CFAP74: variants seen among roughly 807,000 people sequenced by gnomAD.
CFAP74 encodes the protein cilia and flagella associated protein 74.
In CFAP74, 124 loss-of-function variants were observed where a neutral mutation model predicts 188.9. That is an observed-to-expected ratio of 0.66 (90% CI 0.57 to 0.76). CFAP74 has a LOEUF of 0.76. Among genes scored for constraint, CFAP74 ranks in the 30% least tolerant of loss-of-function variants. The probability of loss-of-function intolerance (pLI) is 0.00; values close to 1 mark genes in which losing one functional copy is unlikely to be tolerated. For missense variants in CFAP74, 2,198 were observed against 2,165.2 expected (o/e 1.02, Z -0.30); for synonymous variants, 956 against 916.7 (o/e 1.04, Z -0.77).
chr1:1,960,919 G>A (rs772508898), intron 14 of CFAP74, among the ~76,000 whole-genome samples: 6 of 152,182 alleles, frequency 3.9e-5, no homozygotes, highest in Admixed American at 6.5e-5. Context: ...GTTAGAGGAC[G>A]TATAGATAAA....
In CFAP74 at chr1:1,970,711, A is replaced by G; in HGVS notation, c.994T>C (p.Phe332Leu). 6.2e-7 allele frequency: 1 copy of G among 1,613,978 alleles called. No homozygotes were observed. Reference sequence around the variant, plus strand: ...CGGCGCTGGTGGACAAGGTGCCTGAATGCATCCCTGCCCTGGGCCAGAATC... The same window carrying G: ...CGGCGCTGGTGGACAAGGTGCCTGAGTGCATCCCTGCCCTGGGCCAGAATC... The part of the protein sequence containing the change: ...KAILAQGRDA[F>L]RHLVHQRRRQ... The change falls in exon 10 of 39, where the codon TTC (phenylalanine) becomes CTC (leucine). Residue 332 changes from phenylalanine to leucine, a missense_variant. Coordinates refer to ENST00000682832, the MANE Select transcript of CFAP74 (RefSeq NM_001304360.2).
intron 1 of CFAP74, among the ~76,000 whole-genome samples, chr1:2,000,906 C>T (rs574902913): frequency 1.9e-4 from 29 of 152,280 alleles, no homozygotes; most frequent in African/African-American, 5.8e-4. Context: ...CGCACAACCC[C>T]GAGGAGAAAA....
At chr1:2,002,143 C>T (rs1207306917) in intron 1 of CFAP74, among the ~76,000 whole-genome samples, 1 of 152,118 alleles carries the variant, frequency 6.6e-6, no homozygotes, top group Non-Finnish European at 1.5e-5. Flanking sequence ...GGAAAATACA[C>T]TCTACAAGGG....
intron 24 of CFAP74, 79 bp downstream of exon 24, chr1:1,939,514 TG>T: frequency 7.2e-7 from 1 of 1,379,598 alleles, no homozygotes; most frequent in Non-Finnish European, 9.8e-7. Flanking sequence ...TGGGGGACCC[TG>T]GAGCAGTGGC....
rs776335986 is a variant in CFAP74, at chr1:1,942,050, C to T, written c.2593G>A (p.Val865Met). 2.2e-5 allele frequency: 34 copies of T among 1,523,670 alleles called. No individual in the cohort carries two copies. The highest frequency in any genetic ancestry group is 1.8e-4 in the South Asian group (15 of 82,278). 94.4% of individuals were successfully genotyped at this position (1,523,670 alleles called of 1,614,324 possible). ...GYIQAQSSYSVQLKFLPRHSL... is the reference protein window; with the variant it reads ...GYIQAQSSYSMQLKFLPRHSL... Reference sequence around the variant, plus strand: ...TACCGCGGCAGGAACTTGAGCTGCACGGAGTAGGACGACTGTGCCTGGATA... The same window carrying T: ...TACCGCGGCAGGAACTTGAGCTGCATGGAGTAGGACGACTGTGCCTGGATA... Residue 865 changes from valine (V) to methionine (M), a missense_variant, in exon 22 of 39, where the codon GTG becomes ATG. Physicochemically the swap from Val to Met is conservative, Grantham distance 21. Coordinates refer to ENST00000682832, the MANE Select transcript of CFAP74 (RefSeq NM_001304360.2). The surrounding 1 kb of genome is among the most constrained non-coding windows in gnomAD (Gnocchi z 4.3).
chr1:1,945,170 G>A (rs1558010308), intron 20 of CFAP74, among the ~76,000 whole-genome samples: 1 of 152,070 alleles, frequency 6.6e-6, no homozygotes, highest in Admixed American at 6.5e-5. Context: ...AGCCAGGCAT[G>A]GTGGTGTGTG....
At chr1:1,945,899 T>C (rs1366688080) in intron 20 of CFAP74, among the ~76,000 whole-genome samples, 2 of 143,242 alleles carry the variant, frequency 1.4e-5, no homozygotes, top group African/African-American at 2.6e-5. Flanking sequence ...CGTGTGTGCA[T>C]GTGTGTGCAT....
chr1:1,969,055 AGCTAAAC>A (rs979426871), intron 10 of CFAP74, among the ~76,000 whole-genome samples: 1 of 152,060 alleles, frequency 6.6e-6, no homozygotes, highest in Admixed American at 6.5e-5. Context: ...CTGGTCCTGG[AGCTAAAC>A]GCAAGCTCCA....
chr1:1,970,622 G>A lies in CFAP74; in HGVS notation c.1046+37C>T, dbSNP rs375751278. 208 of 1,574,152 alleles carry A rather than the reference G, an allele frequency of 1.3e-4. 1 individual carries two copies. The highest frequency in any genetic ancestry group is 9.3e-4 in the Middle Eastern group (5 of 5,358). On this transcript the variant is annotated intron_variant, in intron 10 of 38. Transcript: ENST00000682832. ...CTCTCCCTGCACCCACTGACTGGGC[G>A]GGTGCCTCCCGGTGGCACCTCTGCC...
intron 1 of CFAP74, among the ~76,000 whole-genome samples, chr1:1,993,915 G>A (rs1224725077): frequency 1.3e-5 from 2 of 150,942 alleles, no homozygotes; most frequent in East Asian, 1.9e-4. Context: ...CCGGGAGGCG[G>A]AGCTTGCAGT....
chr1:1,924,401 C>G lies in CFAP74; in HGVS notation c.4224G>C (p.Thr1408=). The G allele has an allele frequency of 8.2e-7, 1 of 1,225,450 alleles. No individual in the cohort carries two copies. Among genetic ancestry groups the G allele is most frequent in the South Asian group, 1.3e-5 (1 of 77,912 alleles). 75.9% of individuals were successfully genotyped at this position (1,225,450 alleles called of 1,614,324 possible). The part of the protein sequence containing the change: ...PQFLSSPSQR[T]EVVGTQNLNG... ...CCACCCCCCGCTCACCGACCACCTC[C>G]GTCCTCTGGGAGGGCGAGCTGAGGA... Residue 1408 remains threonine (T), a synonymous_variant, in exon 34 of 39, where the codon ACG becomes ACC. Coordinates refer to ENST00000682832, the MANE Select transcript of CFAP74 (RefSeq NM_001304360.2).
chr1:1,926,682 T>G lies in CFAP74; in HGVS notation c.3742A>C (p.Thr1248Pro), dbSNP rs1310412988. 1 of 1,550,108 alleles carries G rather than the reference T, an allele frequency of 6.5e-7. No individual in the cohort carries two copies. The change falls in exon 30 of 39, where the codon ACC (threonine) becomes CCC (proline). Residue 1248 changes from threonine (T) to proline (P), a missense_variant. By Grantham distance (38) the Thr-to-Pro change is conservative. Coordinates refer to ENST00000682832, the MANE Select transcript of CFAP74 (RefSeq NM_001304360.2). ...SVVVTSHKGK[T>P]IFNFGDVAVG... ...GCGACGTCGCCGAAGTTAAAGATGG[T>G]CTTGCCTTTATGGGACGTCACCACA...
chr1:1,991,922 C>A (rs1354478002), intron 1 of CFAP74, among the ~76,000 whole-genome samples: 68 of 151,796 alleles, frequency 4.5e-4, no homozygotes, highest in Admixed American at 4.5e-3. Context: ...CGCCTGCGGT[C>A]CCAGCTACTC....
intron 14 of CFAP74, among the ~76,000 whole-genome samples, chr1:1,960,820 G>A (rs1317221434): frequency 2.0e-5 from 3 of 152,240 alleles, no homozygotes. Context: ...GAATCCGAGA[G>A]GGTGGACGTG....
chr1:1,998,774 G>C (rs1658055470), intron 1 of CFAP74, among the ~76,000 whole-genome samples: 1 of 152,160 alleles, frequency 6.6e-6, no homozygotes, highest in Admixed American at 6.5e-5. Context: ...CTACTCGGGA[G>C]GCTGAGGTAG....
At chr1:1,989,204 C>G (rs1396235065) in intron 2 of CFAP74, among the ~76,000 whole-genome samples, 2 of 152,048 alleles carry the variant, frequency 1.3e-5, no homozygotes, top group African/African-American at 4.8e-5. Flanking sequence ...TGCAGACGGA[C>G]AGCGGGGAGC....
At chr1:1,935,127 ACACACG>A (rs1652786155) in intron 25 of CFAP74, among the ~76,000 whole-genome samples, 1 of 81,842 alleles carries the variant, frequency 1.2e-5, no homozygotes, top group African/African-American at 4.6e-5. Flanking sequence ...GGTTGTAGGT[ACACACG>A]TGTGTACGTG....
Position 1,964,958 on chromosome 1 carries a change from T to C in CFAP74, c.1505A>G (p.Lys502Arg). The C allele has an allele frequency of 6.2e-7, 1 of 1,614,000 alleles. No individual in the cohort carries two copies. The highest frequency in any genetic ancestry group is 8.5e-7 in the Non-Finnish European group (1 of 1,179,958). The change falls in exon 13 of 39, where the codon AAG (lysine) becomes AGG (arginine). Residue 502 changes from lysine to arginine, a missense_variant. Physicochemically the swap from Lys to Arg is conservative, Grantham distance 26. Transcript: ENST00000682832. Reference protein sequence around the residue: ...VERLRSRVVHKQVVWGREFQG... With the variant: ...VERLRSRVVHRQVVWGREFQG... The stretch of plus-strand genomic sequence containing the variant: ...GAACTCACGCCCCCACACCACCTGC[T>C]TGTGGACCACCCTGCTCCGCAGCCG...
chr1:1,965,995 A>C (rs1158127209), intron 12 of CFAP74, among the ~76,000 whole-genome samples: 1 of 152,232 alleles, frequency 6.6e-6, no homozygotes, highest in Non-Finnish European at 1.5e-5. Context: ...CGTCAAAGAA[A>C]GTTTGCACGC....
Sources: gnomAD v4.1 joint callset for allele counts (sites outside exome capture counted in the v4.1 genomes callset) on GRCh38, gnomAD v4.1.1 for gene constraint, Gnocchi (gnomAD v3.1) non-coding constraint, MANE v1.5 for transcripts, NCBI Gene and HGNC (gene_info 2026-07-23, HGNC 2026-07-21) for gene names.